Variants in NDST1 observed in about 807,000 individuals in gnomAD.
NDST1 encodes the protein bifunctional heparan sulfate N-deacetylase/N-sulfotransferase 1.
In NDST1, 35 loss-of-function variants were observed where a neutral mutation model predicts 92.8. The observed-to-expected ratio is 0.38, with a 90% CI of 0.29 to 0.50. The LOEUF is 0.50. NDST1 is among the 20% of genes least tolerant of loss of function. The probability of loss-of-function intolerance (pLI) is 0.94; values close to 1 mark genes in which losing one functional copy is unlikely to be tolerated. For synonymous variants in NDST1, 493 were observed against 500.3 expected (o/e 0.99, Z 0.19); for missense variants, 822 against 1,182.7 (o/e 0.69, Z 4.47).
At chr5:150,517,030 G>T (rs1754007059) in intron 1 of NDST1, among the ~76,000 whole-genome samples, 1 of 148,096 alleles carries the variant, frequency 6.8e-6, no homozygotes, top group African/African-American at 2.5e-5. Context: ...TGGCTTTATT[G>T]TTTAGATTTT....
chr5:150,535,937 G>C (rs1278156974), intron 6 of NDST1, 52 bp downstream of exon 6: 1 of 1,570,592 alleles, frequency 6.4e-7, no homozygotes, highest in East Asian at 2.3e-5. Flanking sequence ...AGCACAGTCT[G>C]TCATGTGTGT....
intron 1 of NDST1, among the ~76,000 whole-genome samples, chr5:150,502,284 A>G (rs965630846): frequency 6.6e-6 from 1 of 152,084 alleles, no homozygotes; most frequent in Non-Finnish European, 1.5e-5. Context: ...CGGGGGAGCA[A>G]CCAGGGGTTG....
At position 150,556,477 on chromosome 5, in the gene NDST1, A is replaced by C. The variant is rs541631678; in HGVS notation, c.*3145A>C. The C allele has an allele frequency of 6.6e-6, 1 of 152,372 alleles. No homozygotes were observed. Among genetic ancestry groups the C allele is most frequent in the East Asian group, 1.9e-4 (1 of 5,188 alleles). The allele number at this position is 152,372 out of a possible 1,614,324, so 9.4% of individuals were successfully genotyped here. A position where few individuals can be genotyped will look rare whatever the true frequency, so the allele number is the denominator to read the frequency against. ...GTGGTCCCAGCACAGAGCTGTGCCC[A>C]TGGGCTTGTTAGTGGGAAAAGCAAA... On this transcript the variant is annotated 3_prime_UTR_variant, in exon 15 of 15. Transcript: ENST00000261797.
At chr5:150,538,307 G>A (rs945539267) in intron 6 of NDST1, among the ~76,000 whole-genome samples, 2 of 152,230 alleles carry the variant, frequency 1.3e-5, no homozygotes, top group Non-Finnish European at 2.9e-5. Flanking sequence ...GCTGAGATGG[G>A]AAGGTTTTGA....
intron 4 of NDST1, among the ~76,000 whole-genome samples, chr5:150,533,654 C>T (rs1434426065): frequency 6.6e-6 from 1 of 152,198 alleles, no homozygotes; most frequent in Non-Finnish European, 1.5e-5. Context: ...AGTGAGACAA[C>T]CTCTCTTGAA....
chr5:150,550,713 G>C (rs1755685025), intron 13 of NDST1: 1 of 152,274 alleles, frequency 6.6e-6, no homozygotes, highest in Non-Finnish European at 1.5e-5. Flanking sequence ...GAGAAGGGAA[G>C]TCAGTCCTTC....
At chr5:150,539,050 C>G (rs966983988) in intron 6 of NDST1, among the ~76,000 whole-genome samples, 178 bp from the exon 7 acceptor site, 2 of 152,216 alleles carry the variant, frequency 1.3e-5, no homozygotes, top group African/African-American at 4.8e-5. Context: ...ATGGCAAGGG[C>G]CTGTAGTTCA....
At chr5:150,523,030 A>G (rs571396615) in intron 2 of NDST1, among the ~76,000 whole-genome samples, 4 of 152,306 alleles carry the variant, frequency 2.6e-5, no homozygotes, top group African/African-American at 4.8e-5. Context: ...GCACTTGCGC[A>G]CTGGGCCCTG....
intron 13 of NDST1, 46 bp downstream of exon 13, chr5:150,549,833 C>A: frequency 8.3e-7 from 1 of 1,207,784 alleles, no homozygotes; most frequent in Non-Finnish European, 1.2e-6. Context: ...CCTGATAAGG[C>A]ACCTGGGCCA....
At chr5:150,497,875 G>A (rs540580247), upstream of NDST1, 5 of 152,394 alleles carry the variant, frequency 3.3e-5, no homozygotes, top group Admixed American at 2.0e-4. Context: ...GGAGGCCCAG[G>A]GGACCTGAGG....
rs559592745 is a variant in NDST1 at position 150,540,258 on chromosome 5, C to T, written c.1743C>T (p.Leu581=). Residue 581 remains leucine, a synonymous_variant, in exon 8 of 15, where the codon CTC becomes CTT. Transcript: ENST00000261797. Reference sequence around the variant, plus strand: ...TCTTCTCCGAGGAGAAGGACCCGCTCTGGCAGGTGGGGGGCTGGGCAGCCT... The same window carrying T: ...TCTTCTCCGAGGAGAAGGACCCGCTTTGGCAGGTGGGGGGCTGGGCAGCCT... ...FQIFSEEKDP[L]WQDPCEDKRH... 1 of 1,604,740 alleles carries T rather than the reference C, an allele frequency of 6.2e-7. No homozygotes were observed. The highest frequency in any genetic ancestry group is 8.5e-7 in the Non-Finnish European group (1 of 1,173,832).
intron 6 of NDST1, 40 bp from the exon 7 acceptor site, chr5:150,539,188 C>T (rs1264976434): frequency 6.5e-7 from 1 of 1,543,846 alleles, no homozygotes; most frequent in Non-Finnish European, 9.0e-7. Context: ...ACCCTCATGC[C>T]AGAAGGCACC....
At chr5:150,528,970 T>C (rs183063765) in intron 3 of NDST1, among the ~76,000 whole-genome samples, 268 of 152,306 alleles carry the variant, frequency 1.8e-3, no homozygotes, top group African/African-American at 6.3e-3. Flanking sequence ...TTTTAACTCT[T>C]AAAAATGTTT....
chr5:150,501,222 A>G (rs1753214364), intron 1 of NDST1, among the ~76,000 whole-genome samples: 1 of 152,102 alleles, frequency 6.6e-6, no homozygotes, highest in Non-Finnish European at 1.5e-5. Context: ...CCTGCTGACC[A>G]CAGGAAAAGG....
chr5:150,543,068 TCA>T, intron 10 of NDST1, 97 bp downstream of exon 10: 1 of 1,499,100 alleles, frequency 6.7e-7, no homozygotes, highest in Non-Finnish European at 9.3e-7. Context: ...TGGAGCTTGC[TCA>T]CACACAGCTG....
intron 9 of NDST1, among the ~76,000 whole-genome samples, chr5:150,541,929 A>C (rs1755266260): frequency 6.6e-6 from 1 of 152,200 alleles, no homozygotes; most frequent in South Asian, 2.1e-4. Flanking sequence ...CTCCAAGTCC[A>C]GTCAGAGAAG....
chr5:150,527,746 C>G, intron 2 of NDST1, 58 bp from the exon 3 acceptor site: 1 of 1,605,604 alleles, frequency 6.2e-7, no homozygotes, highest in Non-Finnish European at 8.5e-7. Flanking sequence ...GAGACTGTGT[C>G]CTTTGGGGTT....
intron 3 of NDST1, among the ~76,000 whole-genome samples, chr5:150,528,636 C>T (rs1466575520): frequency 6.6e-6 from 1 of 150,492 alleles, no homozygotes; most frequent in Non-Finnish European, 1.5e-5. Context: ...ACTAAAAATA[C>T]AAAAAAAAAT....
chr5:150,519,890 G>T (rs1754160712), intron 1 of NDST1, among the ~76,000 whole-genome samples: 1 of 152,156 alleles, frequency 6.6e-6, no homozygotes, highest in African/African-American at 2.4e-5. Context: ...CGTGGCCTGG[G>T]TGCAGGCGGT....
Sources: gnomAD v4.1 joint callset for allele counts (sites outside exome capture counted in the v4.1 genomes callset) on GRCh38, gnomAD v4.1.1 for gene constraint, MANE v1.5 for transcripts, NCBI Gene and HGNC (gene_info 2026-07-23, HGNC 2026-07-21) for gene names.